The following NBEA variants were observed in gnomAD, a reference collection of about 807,000 sequenced individuals.
NBEA encodes the protein neurobeachin.
Under a neutral mutation model 343.4 loss-of-function variants are expected in NBEA, and 44 were observed. The observed-to-expected ratio is 0.13, with a 90% CI of 0.10 to 0.16. The LOEUF is 0.16. NBEA is among the 10% of genes least tolerant of loss of function. NBEA has a pLI of 1.00. For missense variants in NBEA, 2,555 were observed against 3,631.3 expected (o/e 0.70, Z 7.62); for synonymous variants, 1,175 against 1,238.7 (o/e 0.95, Z 1.08).
Position 35,583,882 on chromosome 13 carries a change from T to A in NBEA, c.7036-16T>A. The A allele has an allele frequency of 6.3e-7, 1 of 1,596,596 alleles. No individual in the cohort carries two copies. Among genetic ancestry groups the A allele is most frequent in the South Asian group, 1.1e-5 (1 of 88,498 alleles). On this transcript the variant is annotated splice_polypyrimidine_tract_variant and intron_variant, in intron 45 of 58. Coordinates refer to ENST00000379939, the MANE Select transcript of NBEA (RefSeq NM_001385012.1). Reference sequence around the variant, plus strand: ...ATATGACTGTATTAAACAAAATATTTTTTTTCTTTTAATAGCCAATTGGTG... The same window carrying A: ...ATATGACTGTATTAAACAAAATATTATTTTTCTTTTAATAGCCAATTGGTG...
At chr13:35,440,267 T>C (rs893315279) in intron 39 of NBEA, among the ~76,000 whole-genome samples, 2 of 152,244 alleles carry the variant, frequency 1.3e-5, no homozygotes, top group African/African-American at 4.8e-5. Flanking sequence ...ATGGATTTTC[T>C]ATAAACTAGG....
At chr13:35,628,292 C>G (rs186724659) in intron 49 of NBEA, 44 bp downstream of exon 49, 13 of 1,363,584 alleles carry the variant, frequency 9.5e-6, no homozygotes, top group East Asian at 2.6e-5. Context: ...TCTGTCATCT[C>G]TCAAACACAA....
At chr13:34,990,495 A>G (rs2060713210) in intron 1 of NBEA, among the ~76,000 whole-genome samples, 1 of 151,006 alleles carries the variant, frequency 6.6e-6, no homozygotes, top group African/African-American at 2.4e-5. Context: ...AGCCACAGCC[A>G]CAGCTGGAGC....
chr13:35,154,932 C>T (rs2069054410), intron 18 of NBEA, among the ~76,000 whole-genome samples: 2 of 149,866 alleles, frequency 1.3e-5, no homozygotes. Flanking sequence ...TCAAGATGAG[C>T]CTGGGCGATA....
intron 1 of NBEA, among the ~76,000 whole-genome samples, chr13:35,006,600 C>G (rs1023991900): frequency 1.3e-5 from 2 of 152,144 alleles, no homozygotes; most frequent in African/African-American, 4.8e-5. Context: ...CATTTACTTT[C>G]TGCCTGAAAC....
intron 10 of NBEA, among the ~76,000 whole-genome samples, chr13:35,083,452 A>T (rs1427984534): frequency 6.6e-6 from 1 of 152,162 alleles, no homozygotes; most frequent in Admixed American, 6.6e-5. Context: ...GGGGGCCAAT[A>T]TTCAAAATTC....
intron 41 of NBEA, among the ~76,000 whole-genome samples, chr13:35,484,672 C>T (rs1024203691): frequency 6.6e-6 from 1 of 152,020 alleles, no homozygotes; most frequent in African/African-American, 2.4e-5. Context: ...AGAAAAAATA[C>T]AGAAATAATT....
At chr13:35,164,560 T>C (rs763601674) in intron 24 of NBEA, 51 bp downstream of exon 24, 4 of 1,555,130 alleles carry the variant, frequency 2.6e-6, no homozygotes, top group African/African-American at 2.7e-5. Flanking sequence ...TACATGACTT[T>C]AGCATTTCAG....
chr13:34,955,131 A>G (rs1168059707), intron 1 of NBEA, among the ~76,000 whole-genome samples: 2 of 152,130 alleles, frequency 1.3e-5, no homozygotes, highest in Non-Finnish European at 2.9e-5. Context: ...CCCTTCGTCC[A>G]GTTCTTTTTT....
intron 38 of NBEA, among the ~76,000 whole-genome samples, chr13:35,390,579 A>C (rs2042453868): frequency 6.6e-6 from 1 of 152,206 alleles, no homozygotes; most frequent in Non-Finnish European, 1.5e-5. Context: ...AAGTTCATCC[A>C]AACAGATTCT....
chr13:34,968,068 G>T (rs1232121231), intron 1 of NBEA, among the ~76,000 whole-genome samples: 1 of 152,078 alleles, frequency 6.6e-6, no homozygotes, highest in Non-Finnish European at 1.5e-5. Context: ...CAGAGTTCAG[G>T]AAAGTGCTAC....
chr13:35,318,946 T>A (rs2037940919), intron 36 of NBEA, among the ~76,000 whole-genome samples: 1 of 152,182 alleles, frequency 6.6e-6, no homozygotes, highest in Non-Finnish European at 1.5e-5. Context: ...ATCAGTGTGA[T>A]ATCCTCTTTA....
chr13:35,607,200 C>A (rs1463922061), intron 48 of NBEA, among the ~76,000 whole-genome samples: 1 of 152,100 alleles, frequency 6.6e-6, no homozygotes, highest in Non-Finnish European at 1.5e-5. Flanking sequence ...TAGGCAAATG[C>A]CACCATGCCA....
chr13:35,372,521 C>G (rs1566042111), intron 38 of NBEA, among the ~76,000 whole-genome samples: 2 of 152,126 alleles, frequency 1.3e-5, no homozygotes, highest in African/African-American at 4.8e-5. Context: ...CTGAGGTAGA[C>G]AGGGAGGGGT....
intron 17 of NBEA, among the ~76,000 whole-genome samples, chr13:35,127,511 A>G (rs1280028441): frequency 1.3e-5 from 2 of 152,178 alleles, no homozygotes; most frequent in Non-Finnish European, 2.9e-5. Context: ...AAATGACACA[A>G]CCGTAATGAA....
At chr13:35,304,723 G>A (rs2036781409) in intron 35 of NBEA, among the ~76,000 whole-genome samples, 1 of 151,846 alleles carries the variant, frequency 6.6e-6, no homozygotes, top group Non-Finnish European at 1.5e-5. Context: ...TTATGGTTCT[G>A]TAAAACTATC....
chr13:35,155,089 C>T lies in NBEA; in HGVS notation c.2446-685C>T, dbSNP rs140020308. Among the ~76,000 whole-genome samples the T allele has an allele frequency of 7.1e-5, 10 of 140,582 alleles. No individual in the cohort carries two copies. In the East Asian group the frequency reaches 1.3e-3, roughly 18 times the overall value. The allele number at this position is 140,582 out of a possible 152,430, so 92.2% of individuals were successfully genotyped here. The stretch of plus-strand genomic sequence containing the variant: ...AGGCTGCAATGAGCCATGATTGTGC[C>T]GCTGCAGTCCAGCCTGGGGGTACCA... On this transcript the variant is annotated intron_variant, in intron 18 of 58. Transcript: ENST00000379939.
At chr13:35,600,032 G>A (rs1369681416) in intron 47 of NBEA, among the ~76,000 whole-genome samples, 5 of 152,152 alleles carry the variant, frequency 3.3e-5, no homozygotes, top group African/African-American at 1.2e-4. Flanking sequence ...CTTGAGAATG[G>A]TCACCCCATA....
chr13:35,651,801 T>C lies in NBEA; in HGVS notation c.7964-4T>C. 6.6e-7 allele frequency: 1 copy of C among 1,523,672 alleles called. No homozygotes were observed. Among genetic ancestry groups the C allele is most frequent in the East Asian group, 2.5e-5 (1 of 40,790 alleles). 94.4% of individuals were successfully genotyped at this position (1,523,672 alleles called of 1,614,324 possible). On this transcript the variant is annotated splice_region_variant and splice_polypyrimidine_tract_variant and intron_variant, in intron 52 of 58. Coordinates refer to ENST00000379939, the MANE Select transcript of NBEA (RefSeq NM_001385012.1). The stretch of plus-strand genomic sequence containing the variant: ...TAGTTTTTCTCTCTTTTTTTAATCT[T>C]TAGGCCTCAGAGGAGCTCCAGGATA...
Sources: gnomAD v4.1 joint callset for allele counts (sites outside exome capture counted in the v4.1 genomes callset) on GRCh38, gnomAD v4.1.1 for gene constraint, MANE v1.5 for transcripts, NCBI Gene and HGNC (gene_info 2026-07-23, HGNC 2026-07-21) for gene names.